SLC10A1: variants seen among roughly 807,000 people sequenced by gnomAD.
The protein encoded by SLC10A1 is solute carrier family 10 member 1, also known as hepatic sodium/bile acid cotransporter.
SLC10A1 carries 36 observed loss-of-function variants against 20.5 expected under a neutral mutation model. The observed-to-expected ratio is 1.75, with a 90% CI of 1.34 to 2.32. SLC10A1 has a LOEUF of 2.32. Among genes scored for constraint, SLC10A1 ranks in the 30% most tolerant of loss-of-function variants. The probability of loss-of-function intolerance (pLI) is 0.00; values close to 1 mark genes in which losing one functional copy is unlikely to be tolerated. For synonymous variants in SLC10A1, 188 were observed against 163.6 expected (o/e 1.15, Z -1.14); for missense variants, 545 against 439.1 (o/e 1.24, Z -2.16).
At position 69,778,528 on chromosome 14, in the gene SLC10A1, A is replaced by C; in HGVS notation, c.748T>G (p.Cys250Gly). 6.3e-7 allele frequency: 1 copy of C among 1,594,270 alleles called. No individual in the cohort carries two copies. Among genetic ancestry groups the C allele is most frequent in the Non-Finnish European group, 8.5e-7 (1 of 1,172,016 alleles). ...LSALFCLNGR[C>G]RRTVSMETGC... ...GTCTCCATGCTGACAGTGCGTCTGC[A>C]CCTGTGCCGGTGAAGAAAACCCCAC... The change falls in exon 4 of 5, where the codon TGC becomes GGC. Residue 250 changes from cysteine (C) to glycine (G), a missense_variant and splice_region_variant. Physicochemically the swap from Cys to Gly is radical, Grantham distance 159 (BLOSUM62 -3). Coordinates refer to ENST00000216540, the MANE Select transcript of SLC10A1 (RefSeq NM_003049.4).
intron 2 of SLC10A1, among the ~76,000 whole-genome samples, chr14:69,780,034 G>A (rs1347564696): frequency 6.6e-6 from 1 of 151,000 alleles, no homozygotes; most frequent in Admixed American, 6.7e-5. Flanking sequence ...TAAACAAGGT[G>A]GATGATCAAG....
At chr14:69,780,412 T>C (rs1404025540) in intron 2 of SLC10A1, among the ~76,000 whole-genome samples, 1 of 152,252 alleles carries the variant, frequency 6.6e-6, no homozygotes, top group African/African-American at 2.4e-5. Context: ...TACCATGTTA[T>C]TTTGTAATAG....
chr14:69,783,279 C>T (rs147766800), intron 2 of SLC10A1, among the ~76,000 whole-genome samples: 30 of 149,134 alleles, frequency 2.0e-4, no homozygotes, highest in African/African-American at 7.3e-4. Flanking sequence ...TTAATTAAGA[C>T]AGCCTTATGG....
intron 2 of SLC10A1, among the ~76,000 whole-genome samples, chr14:69,781,097 G>T (rs1883580551): frequency 6.6e-6 from 1 of 152,134 alleles, no homozygotes; most frequent in African/African-American, 2.4e-5. Context: ...TAAGCTCTGG[G>T]GAGTCACTCA....
rs199663299 is a variant in SLC10A1, at chr14:69,786,183, T to A, written c.481A>T (p.Ile161Leu). The A allele has an allele frequency of 1.9e-6, 3 of 1,613,964 alleles. No individual in the cohort carries two copies. Among genetic ancestry groups the A allele is most frequent in the African/African-American group, 2.7e-5 (2 of 74,882 alleles). ...GGAATGAGAACCAGGACCAGTGATA[T>A]CACGATGCCTTTATAGGGCACCTTG... ...KDKVPYKGIVISLVLVLIPCT... is the reference protein window; with the variant it reads ...KDKVPYKGIVLSLVLVLIPCT... Residue 161 changes from isoleucine to leucine, a missense_variant, in exon 2 of 5, where the codon ATA becomes TTA. Ile to Leu is a conservative substitution (Grantham distance 5). Coordinates refer to ENST00000216540, the MANE Select transcript of SLC10A1 (RefSeq NM_003049.4).
chr14:69,782,885 A>G (rs1490231136), intron 2 of SLC10A1, among the ~76,000 whole-genome samples: 1 of 151,820 alleles, frequency 6.6e-6, no homozygotes, highest in Non-Finnish European at 1.5e-5. Flanking sequence ...ACTCTGAGGT[A>G]GAAAAGAGAC....
At chr14:69,781,467 C>T (rs1471621018) in intron 2 of SLC10A1, among the ~76,000 whole-genome samples, 4 of 152,210 alleles carry the variant, frequency 2.6e-5, no homozygotes, top group Admixed American at 2.6e-4. Flanking sequence ...TAGAAATAAT[C>T]AGATTCTCTC....
chr14:69,776,503 A>G (rs2139707988), intron 4 of SLC10A1, 115 bp from the exon 5 acceptor site: 1 of 758,254 alleles, frequency 1.3e-6, no homozygotes, highest in Middle Eastern at 3.5e-4. Context: ...TGTGCTAAGT[A>G]TATATTTTCC....
At position 69,796,694 on chromosome 14, in the gene SLC10A1, C is replaced by T. The variant is rs1490248595; in HGVS notation, c.356+106G>A. ...TCCCCTGCCCTAGCCTCCACCCAGC[C>T]TGCATTCACTCCTTTTCCTGGCTTT... On this transcript the variant is annotated intron_variant, in intron 1 of 4. Transcript: ENST00000216540. 8.6e-6 allele frequency: 8 copies of T among 933,062 alleles called. No individual in the cohort carries two copies. The Admixed American group carries it at 2.0e-4, about 23-fold the overall frequency. 57.8% of individuals were successfully genotyped at this position (933,062 alleles called of 1,614,324 possible). A position where few individuals can be genotyped will look rare whatever the true frequency, so the allele number is the denominator to read the frequency against.
chr14:69,779,712 G>A (rs73285211), intron 2 of SLC10A1, among the ~76,000 whole-genome samples: 7,387 of 152,178 alleles, frequency 0.049, 593 homozygotes, highest in African/African-American at 0.17. Context: ...GGGGACAGCT[G>A]ATTAACACTT....
chr14:69,780,036 A>T (rs1438542125), intron 2 of SLC10A1, among the ~76,000 whole-genome samples: 1 of 150,902 alleles, frequency 6.6e-6, no homozygotes, highest in African/African-American at 2.4e-5. Context: ...AACAAGGTGG[A>T]TGATCAAGCC....
intron 1 of SLC10A1, among the ~76,000 whole-genome samples, chr14:69,792,260 A>T (rs1490297592): frequency 3.9e-5 from 6 of 152,232 alleles, no homozygotes; most frequent in Non-Finnish European, 7.3e-5. Flanking sequence ...TAACATAAGC[A>T]ATCTATCAGA....
In SLC10A1 at chr14:69,779,249, A is replaced by C; in HGVS notation, c.679T>G (p.Ser227Ala). The change falls in exon 3 of 5, where the codon TCC (serine) becomes GCC (alanine). Residue 227 changes from serine (S) to alanine (A), a missense_variant. Ser to Ala is a moderately conservative substitution (Grantham distance 99, BLOSUM62 1). Coordinates refer to ENST00000216540, the MANE Select transcript of SLC10A1 (RefSeq NM_003049.4). Reference protein sequence around the residue: ...AMTPLLIATSSLMPFIGFLLG... With the variant: ...AMTPLLIATSALMPFIGFLLG... ...AGAAAGCCAATAAAAGGCATCAGGG[A>C]GGAGGTGGCAATCAAGAGTGGTGTC... The C allele has an allele frequency of 1.2e-6, 2 of 1,613,754 alleles. No individual in the cohort carries two copies. The highest frequency in any genetic ancestry group is 1.7e-6 in the Non-Finnish European group (2 of 1,179,964).
chr14:69,784,014 GATA>G (rs2139715325), intron 2 of SLC10A1, among the ~76,000 whole-genome samples: 1 of 152,310 alleles, frequency 6.6e-6, no homozygotes, highest in Non-Finnish European at 1.5e-5. Context: ...AGACCTGGTA[GATA>G]ATAAATGGAT....
intron 2 of SLC10A1, among the ~76,000 whole-genome samples, chr14:69,784,271 G>T (rs1402909278): frequency 2.6e-5 from 4 of 152,196 alleles, no homozygotes; most frequent in Non-Finnish European, 4.4e-5. Flanking sequence ...GACAGAGAAG[G>T]CTTTTGAGGA....
At chr14:69,785,991 G>A (rs2139716929) in intron 2 of SLC10A1, 106 bp downstream of exon 2, 3 of 794,810 alleles carry the variant, frequency 3.8e-6, no homozygotes, top group Admixed American at 2.3e-5. Flanking sequence ...TTAGCATCTA[G>A]TAGGAGCATA....
intron 1 of SLC10A1, among the ~76,000 whole-genome samples, chr14:69,791,410 C>A (rs1421412615): frequency 6.6e-6 from 1 of 151,956 alleles, no homozygotes; most frequent in African/African-American, 2.4e-5. Context: ...ACGCCATTCT[C>A]CTGCCTCAGC....
chr14:69,781,176 T>C (rs1470066152), intron 2 of SLC10A1, among the ~76,000 whole-genome samples: 2 of 152,186 alleles, frequency 1.3e-5, no homozygotes, highest in African/African-American at 4.8e-5. Flanking sequence ...ACTCCTGTTA[T>C]TACTCAAAGG....
At chr14:69,791,171 G>C (rs1883829348) in intron 1 of SLC10A1, among the ~76,000 whole-genome samples, 1 of 152,030 alleles carries the variant, frequency 6.6e-6, no homozygotes, top group South Asian at 2.1e-4. Flanking sequence ...ATATTATAAA[G>C]ATAGTCTCTC....
Sources: gnomAD v4.1 joint callset for allele counts (sites outside exome capture counted in the v4.1 genomes callset) on GRCh38, gnomAD v4.1.1 for gene constraint, MANE v1.5 for transcripts, NCBI Gene and HGNC (gene_info 2026-07-23, HGNC 2026-07-21) for gene names.